C13orf42: variants seen among roughly 807,000 people sequenced by gnomAD.
The protein encoded by C13orf42 is uncharacterized protein C13orf42.
intron 1 of C13orf42, among the ~76,000 whole-genome samples, chr13:51,165,306 C>T (rs564177183): frequency 4.9e-4 from 74 of 152,320 alleles, no homozygotes; most frequent in African/African-American, 1.7e-3. Context: ...TTCTTCTAGC[C>T]CCTTCAGGCT....
At chr13:51,131,961 G>A (rs184019829) in intron 1 of C13orf42, among the ~76,000 whole-genome samples, 38 of 152,254 alleles carry the variant, frequency 2.5e-4, no homozygotes, top group African/African-American at 8.4e-4. Flanking sequence ...AGAGGGATGG[G>A]TAATATAAAA....
At chr13:51,154,210 T>C (rs903490169) in intron 1 of C13orf42, among the ~76,000 whole-genome samples, 1 of 152,206 alleles carries the variant, frequency 6.6e-6, no homozygotes, top group Non-Finnish European at 1.5e-5. Flanking sequence ...TGTGTGTCTA[T>C]GTCACATTTT....
intron 1 of C13orf42, among the ~76,000 whole-genome samples, chr13:51,131,252 T>A (rs1436440112): frequency 6.6e-6 from 1 of 152,230 alleles, no homozygotes; most frequent in Non-Finnish European, 1.5e-5. Flanking sequence ...GGAAACTATT[T>A]GTGAGTATCT....
chr13:51,114,741 C>T (rs764043857), upstream of C13orf42, among the ~76,000 whole-genome samples: 1 of 152,086 alleles, frequency 6.6e-6, no homozygotes, highest in Non-Finnish European at 1.5e-5. Flanking sequence ...TGGTTGTTTC[C>T]GTATCTTGGC....
intron 1 of C13orf42, among the ~76,000 whole-genome samples, chr13:51,160,963 G>GA (rs78703300): frequency 0.18 from 18,700 of 103,338 alleles, 1,355 homozygotes; most frequent in East Asian, 0.28. Flanking sequence ...TTGGAAACAA[G>GA]AAAAAAAAAA....
chr13:51,089,159 CTG>C (rs950894150), intron 1 of C13orf42, among the ~76,000 whole-genome samples: 1 of 152,150 alleles, frequency 6.6e-6, no homozygotes, highest in African/African-American at 2.4e-5. Context: ...GATTTATAGA[CTG>C]GTGTGTCAGG....
chr13:51,083,460 C>A lies in C13orf42; in HGVS notation c.*691G>T, dbSNP rs1953086442. The A allele has an allele frequency of 6.6e-6, 1 of 152,170 alleles. No individual in the cohort carries two copies. The allele number at this position is 152,170 out of a possible 1,614,324, so 9.4% of individuals were successfully genotyped here. On this transcript the variant is annotated 3_prime_UTR_variant, in exon 4 of 4. Transcript: ENST00000563710. ...AAAAGAAAAGAATCACCCCATCTCC[C>A]TTCTTCTCTTGTCAATTGCCTATGT...
At chr13:51,103,655 C>T (rs1308265315) in intron 1 of C13orf42, among the ~76,000 whole-genome samples, 1 of 151,948 alleles carries the variant, frequency 6.6e-6, no homozygotes, top group African/African-American at 2.4e-5. Flanking sequence ...AAGCCAAGAT[C>T]GCGCCACTGC....
intron 1 of C13orf42, among the ~76,000 whole-genome samples, chr13:51,156,629 A>G (rs1456917224): frequency 6.6e-6 from 1 of 152,260 alleles, no homozygotes; most frequent in African/African-American, 2.4e-5. Context: ...CAGTGATAAA[A>G]TGGAACAAAA....
At chr13:51,103,885 G>C (rs1385600756) in intron 1 of C13orf42, among the ~76,000 whole-genome samples, 1 of 152,146 alleles carries the variant, frequency 6.6e-6, no homozygotes, top group African/African-American at 2.4e-5. Flanking sequence ...TGGGGAAAGG[G>C]GGAAATGAGG....
rs11440988 is a variant in C13orf42, at chr13:51,086,327, C to CAAA, written c.563-771_563-769dup. On this transcript the variant is annotated intron_variant, in intron 2 of 3. Coordinates refer to ENST00000563710, the MANE Select transcript of C13orf42 (RefSeq NM_001351589.3). ...TCTCAAAAAAAAAAACAAAAAAAAA[C>CAAA]AAAAAAAAAAACAAGAAGACACAGA... Among the ~76,000 whole-genome samples the CAAA allele has an allele frequency of 5.6e-5, 7 of 125,584 alleles. No individual in the cohort carries two copies. The East Asian group carries it at 1.1e-3, about 20-fold the overall frequency. 82.4% of individuals were successfully genotyped at this position (125,584 alleles called of 152,430 possible). A position where few individuals can be genotyped will look rare whatever the true frequency, so the allele number is the denominator to read the frequency against.
rs896657356 is a variant in C13orf42, at chr13:51,085,440, T to G, written c.682A>C (p.Ser228Arg). The change falls in exon 3 of 4, where the codon AGC (serine) becomes CGC (arginine). Residue 228 changes from serine (S) to arginine (R), a missense_variant. Coordinates refer to ENST00000563710, the MANE Select transcript of C13orf42 (RefSeq NM_001351589.3). ...GTGCCCACGGTCCTGTGCTCGGTGC[T>G]CCTTCGAAACTGGCCGTCTACAGTA... is the stretch of plus-strand genomic sequence containing the variant. ...VHTVDGQFRR[S>R]TEHRTVGTQR... 2 of 398,608 alleles carry G rather than the reference T, an allele frequency of 5.0e-6. No homozygotes were observed. Among genetic ancestry groups the G allele is most frequent in the Non-Finnish European group, 4.4e-6 (1 of 226,056 alleles). The allele number at this position is 398,608 out of a possible 1,614,324, so 24.7% of individuals were successfully genotyped here. A position where few individuals can be genotyped will look rare whatever the true frequency, so the allele number is the denominator to read the frequency against.
chr13:51,166,853 C>T (rs1170714155), intron 1 of C13orf42, among the ~76,000 whole-genome samples: 6 of 152,038 alleles, frequency 3.9e-5, no homozygotes, highest in Admixed American at 1.3e-4. Context: ...CCGAGGCGGG[C>T]GCATTGCCTG....
intron 3 of C13orf42, 84 bp from the exon 4 acceptor site, chr13:51,084,409 T>G (rs1269682986): frequency 5.0e-6 from 2 of 397,402 alleles, no homozygotes; most frequent in Non-Finnish European, 8.9e-6. Context: ...ACCACCATTC[T>G]CATGGAGACC....
intron 1 of C13orf42, among the ~76,000 whole-genome samples, chr13:51,146,640 A>G (rs1005532947): frequency 2.0e-5 from 3 of 152,172 alleles, no homozygotes; most frequent in African/African-American, 4.8e-5. Context: ...AAGGACTCAC[A>G]GTGGGGAGGG....
chr13:51,153,452 G>C (rs1593554399), intron 1 of C13orf42, among the ~76,000 whole-genome samples: 1 of 152,082 alleles, frequency 6.6e-6, no homozygotes, highest in African/African-American at 2.4e-5. Context: ...GACAGAGAGA[G>C]AGAGAGAGAC....
At chr13:51,164,823 G>A (rs1243479581) in intron 1 of C13orf42, among the ~76,000 whole-genome samples, 1 of 152,238 alleles carries the variant, frequency 6.6e-6, no homozygotes, top group Admixed American at 6.5e-5. Context: ...CAGAGCAATT[G>A]AAAGAATGGA....
intron 1 of C13orf42, chr13:51,161,956 A>G (rs540362395): frequency 3.0e-4 from 141 of 470,448 alleles, no homozygotes; most frequent in African/African-American, 2.6e-3. Context: ...CGTTGTATTC[A>G]TCTCTGGTTA....
chr13:51,130,654 A>G (rs999644487), intron 1 of C13orf42, among the ~76,000 whole-genome samples: 34 of 151,566 alleles, frequency 2.2e-4, no homozygotes, highest in Admixed American at 2.6e-4. Flanking sequence ...GGAGTTAGAC[A>G]ACGGAAAGAA....
Sources: allele counts gnomAD v4.1 joint callset (sites outside exome capture counted in the v4.1 genomes callset), GRCh38; gene constraint gnomAD v4.1.1; transcripts MANE v1.5; gene names NCBI Gene and HGNC (gene_info 2026-07-23, HGNC 2026-07-21).